The following XKR9 variants were observed in gnomAD, a reference collection of about 807,000 sequenced individuals.
The protein encoded by XKR9 is XK-related protein 9.
XKR9 carries 32 observed loss-of-function variants against 32.0 expected under a neutral mutation model. That is an observed-to-expected ratio of 1.00 (90% CI 0.76 to 1.34). The LOEUF (loss-of-function observed/expected upper bound fraction) is 1.34, where lower values mean the gene tolerates loss of function less well. Among genes scored for constraint, XKR9 ranks in the 40% most tolerant of loss-of-function variants. The pLI is 0.00. For missense variants in XKR9, 546 were observed against 429.7 expected, an observed-to-expected ratio of 1.27 and a Z score of -2.39; for synonymous variants, 168 against 143.4, an observed-to-expected ratio of 1.17 and a Z score of -1.22.
At chr8:70,857,042 C>A in the XKR9 span, among the ~76,000 whole-genome samples, 4 of 151,930 alleles carry the variant, frequency 2.6e-5, no homozygotes, top group Non-Finnish European at 5.9e-5. Flanking sequence ...AAATTAATAC[C>A]CTAACATCAC....
At chr8:71,014,096 CATT>C in the XKR9 span, among the ~76,000 whole-genome samples, 1 of 152,048 alleles carries the variant, frequency 6.6e-6, no homozygotes, top group African/African-American at 2.4e-5. Context: ...TTCATGAGTC[CATT>C]AGCAGCACAA....
the XKR9 span, among the ~76,000 whole-genome samples, chr8:70,798,981 G>C: frequency 2.4e-4 from 36 of 152,302 alleles, no homozygotes; most frequent in African/African-American, 8.4e-4. Flanking sequence ...GGCAGGTAAT[G>C]TAGTGTCTTC....
the XKR9 span, among the ~76,000 whole-genome samples, chr8:70,979,308 A>G: frequency 6.6e-6 from 1 of 152,012 alleles, no homozygotes; most frequent in Admixed American, 6.6e-5. Flanking sequence ...CCTTTGGAGG[A>G]GAAGGGGTGC....
chr8:70,945,521 G>T, the XKR9 span, among the ~76,000 whole-genome samples: 29 of 152,180 alleles, frequency 1.9e-4, no homozygotes, highest in East Asian at 5.0e-3. Flanking sequence ...GCTGAAAATA[G>T]AAATAATTGG....
At chr8:71,024,839 G>C in the XKR9 span, among the ~76,000 whole-genome samples, 1 of 152,100 alleles carries the variant, frequency 6.6e-6, no homozygotes, top group Non-Finnish European at 1.5e-5. Flanking sequence ...TCACTTCTCT[G>C]CTGAATTTCA....
intron 2 of XKR9, among the ~76,000 whole-genome samples, chr8:70,756,691 A>AT (rs1264798155): frequency 6.6e-6 from 1 of 152,104 alleles, no homozygotes; most frequent in Non-Finnish European, 1.5e-5. Flanking sequence ...CATACTATTG[A>AT]TTTTTGTATA....
chr8:70,756,099 AC>A (rs1807221494), intron 2 of XKR9, among the ~76,000 whole-genome samples: 1 of 151,808 alleles, frequency 6.6e-6, no homozygotes, highest in African/African-American at 2.4e-5. Context: ...CTATCCAGTT[AC>A]CCCCGTACCA....
Position 70,734,821 on chromosome 8 carries a change from A to C in XKR9, c.*397A>C, listed in dbSNP as rs1345328114. On this transcript the variant is annotated 3_prime_UTR_variant, in exon 5 of 5. Coordinates refer to ENST00000408926, the MANE Select transcript of XKR9 (RefSeq NM_001011720.2). ...TATTATTTTTTCCTTTATTGTCTTC[A>C]GTGCATATATTTGCAGTTGGGGACA... The C allele has an allele frequency of 6.5e-6, 1 of 154,032 alleles. No homozygotes were observed. The highest frequency in any genetic ancestry group is 2.4e-5 in the African/African-American group (1 of 41,598). 9.5% of individuals were successfully genotyped at this position (154,032 alleles called of 1,614,324 possible). A position where few individuals can be genotyped will look rare whatever the true frequency, so the allele number is the denominator to read the frequency against.
chr8:70,970,459 C>T, the XKR9 span, among the ~76,000 whole-genome samples: 7 of 152,180 alleles, frequency 4.6e-5, no homozygotes, highest in Middle Eastern at 6.8e-3. Flanking sequence ...CTGATGTTAT[C>T]CCTCTCCTAG....
At chr8:70,743,931 A>G (rs1368195536) in intron 2 of XKR9, among the ~76,000 whole-genome samples, 1 of 151,884 alleles carries the variant, frequency 6.6e-6, no homozygotes, top group Non-Finnish European at 1.5e-5. Flanking sequence ...TGAGGTAATT[A>G]CCAGTGTTTT....
At chr8:70,671,394 A>G in intron 1 of XKR9, among the ~76,000 whole-genome samples, 1 of 55,708 alleles carries the variant, frequency 1.8e-5, no homozygotes, top group African/African-American at 4.5e-5. Flanking sequence ...CAGGTTAGTT[A>G]CATATGTATA....
At chr8:70,796,497 C>T in the XKR9 span, among the ~76,000 whole-genome samples, 1 of 151,822 alleles carries the variant, frequency 6.6e-6, no homozygotes, top group African/African-American at 2.4e-5. Context: ...GGTTGGTTTA[C>T]TTTGTTTATT....
the XKR9 span, among the ~76,000 whole-genome samples, chr8:70,912,742 G>A: frequency 1.3e-5 from 2 of 152,052 alleles, no homozygotes; most frequent in Admixed American, 6.6e-5. Flanking sequence ...AAATGTACAT[G>A]ATGGGAAGAG....
At chr8:70,920,722 C>A in the XKR9 span, among the ~76,000 whole-genome samples, 1 of 151,806 alleles carries the variant, frequency 6.6e-6, no homozygotes, top group Non-Finnish European at 1.5e-5. Flanking sequence ...CTTTTCTTTT[C>A]TGTTAGCTGT....
intron 4 of XKR9, among the ~76,000 whole-genome samples, chr8:70,708,326 C>A (rs1805792258): frequency 6.6e-6 from 1 of 152,042 alleles, no homozygotes; most frequent in African/African-American, 2.4e-5. Context: ...TACATAGCAT[C>A]TGGACTACCT....
intron 3 of XKR9, among the ~76,000 whole-genome samples, chr8:70,704,952 G>T (rs1009043045): frequency 1.3e-5 from 2 of 151,506 alleles, no homozygotes; most frequent in Non-Finnish European, 2.9e-5. Context: ...TTATAGGCTT[G>T]GCCCTCCCAT....
chr8:70,731,221 C>A (rs2132238157), intron 4 of XKR9, among the ~76,000 whole-genome samples: 1 of 152,270 alleles, frequency 6.6e-6, no homozygotes, highest in South Asian at 2.1e-4. Context: ...CAATCAGACT[C>A]ATGCAGAGAA....
intron 2 of XKR9, among the ~76,000 whole-genome samples, chr8:70,758,674 TAAC>T (rs1807264105): frequency 1.3e-5 from 2 of 152,266 alleles, no homozygotes; most frequent in Non-Finnish European, 2.9e-5. Flanking sequence ...CGTTCACAAA[TAAC>T]ACCTGTATTT....
chr8:70,709,449 C>T (rs1805832506), intron 4 of XKR9, among the ~76,000 whole-genome samples: 2 of 152,072 alleles, frequency 1.3e-5, no homozygotes, highest in South Asian at 4.1e-4. Flanking sequence ...AAGTACTAGC[C>T]AGAGCAATTG....
Sources: gnomAD v4.1 joint callset for allele counts (sites outside exome capture counted in the v4.1 genomes callset) on GRCh38, gnomAD v4.1.1 for gene constraint, MANE v1.5 for transcripts, NCBI Gene and HGNC (gene_info 2026-07-23, HGNC 2026-07-21) for gene names.